Variants in VWA2 observed in about 807,000 individuals in gnomAD.
VWA2 encodes the protein von Willebrand factor A domain containing 2, also known as von Willebrand factor A domain-containing protein 2.
VWA2 carries 73 observed loss-of-function variants against 70.4 expected under a neutral mutation model. That is an observed-to-expected ratio of 1.04 (90% CI 0.86 to 1.26). The LOEUF (loss-of-function observed/expected upper bound fraction) is 1.26. Among genes scored for constraint, VWA2 ranks in the 50% most tolerant of loss-of-function variants. VWA2 has a pLI of 0.00. For synonymous variants in VWA2, 407 were observed against 423.3 expected, an observed-to-expected ratio of 0.96 and a Z score of 0.47; for missense variants, 1,011 against 998.5, an observed-to-expected ratio of 1.01 and a Z score of -0.17.
chr10:114,265,232 A>C (rs1296516952), intron 5 of VWA2, among the ~76,000 whole-genome samples: 1 of 152,070 alleles, frequency 6.6e-6, no homozygotes, highest in Admixed American at 6.6e-5. Flanking sequence ...ACACTTTAAA[A>C]GTGTGAATTT....
chr10:114,272,159 A>G (rs1012710861), intron 5 of VWA2, among the ~76,000 whole-genome samples: 7 of 152,366 alleles, frequency 4.6e-5, no homozygotes, highest in African/African-American at 2.4e-5. Context: ...GACCATTGGC[A>G]TCCCGATGAG....
chr10:114,276,464 A>G (rs902291703), intron 6 of VWA2, among the ~76,000 whole-genome samples: 2 of 152,136 alleles, frequency 1.3e-5, no homozygotes, highest in African/African-American at 4.8e-5. Context: ...GAAACTCTAC[A>G]AGCAATAAAG....
rs774199289 is a variant in VWA2 at position 114,284,914 on chromosome 10, G to C, written c.941G>C (p.Gly314Ala). The change falls in exon 10 of 14, where the codon GGA becomes GCA. Residue 314 changes from glycine to alanine, a missense_variant. Coordinates refer to ENST00000392982, the MANE Select transcript of VWA2 (RefSeq NM_001272046.2). ...AATGGAGGCACATGTGTTCCAGAAG[G>C]ACTGGACGGCTACCAGTGCCTCTGC... The part of the protein sequence containing the change: ...CQNGGTCVPE[G>A]LDGYQCLCPL... The C allele has an allele frequency of 3.1e-6, 5 of 1,605,558 alleles. No individual in the cohort carries two copies. The South Asian group carries it at 5.6e-5, about 18-fold the overall frequency.
intron 1 of VWA2, among the ~76,000 whole-genome samples, chr10:114,245,576 C>T (rs901850250): frequency 7.9e-5 from 12 of 151,958 alleles, no homozygotes; most frequent in African/African-American, 2.9e-4. Context: ...CAGGTGGGGG[C>T]TTGTTCTGCC....
rs1212169442 is a variant in VWA2, at chr10:114,281,694, G to A, written c.834-822G>A. ...TGGACCAGATAGTAGCAGCACACCT[G>A]GGGTGGAGGGGCGGGGCTGGGGCAC... On this transcript the variant is annotated intron_variant, in intron 8 of 13. Transcript: ENST00000392982. The A allele has an allele frequency of 4.1e-6, 4 of 980,596 alleles. No individual in the cohort carries two copies. The African/African-American group carries it at 7.0e-5, about 17-fold the overall frequency. The allele number at this position is 980,596 out of a possible 1,614,324, so 60.7% of individuals were successfully genotyped here. A position where few individuals can be genotyped will look rare whatever the true frequency, so the allele number is the denominator to read the frequency against.
intron 5 of VWA2, among the ~76,000 whole-genome samples, chr10:114,262,840 G>A (rs972782980): frequency 6.6e-6 from 1 of 152,226 alleles, no homozygotes; most frequent in African/African-American, 2.4e-5. Context: ...ATAAAATACA[G>A]TAGTGCACAT....
intron 1 of VWA2, among the ~76,000 whole-genome samples, chr10:114,242,441 G>A (rs575707332): frequency 3.3e-5 from 5 of 152,202 alleles, no homozygotes; most frequent in African/African-American, 7.2e-5. Flanking sequence ...TCTGCATGCC[G>A]ATGCCTCTGT....
intron 6 of VWA2, among the ~76,000 whole-genome samples, chr10:114,276,919 G>A (rs560864589): frequency 1.3e-5 from 2 of 152,084 alleles, no homozygotes; most frequent in Non-Finnish European, 2.9e-5. Context: ...GGGCTGGGGG[G>A]CTCCAGGGCT....
chr10:114,289,081 C>G lies in VWA2; in HGVS notation c.1714C>G (p.Leu572Val). The G allele has an allele frequency of 2.5e-6, 4 of 1,614,180 alleles. No individual in the cohort carries two copies. Among genetic ancestry groups the G allele is most frequent in the Non-Finnish European group, 2.5e-6 (3 of 1,180,030 alleles). Residue 572 changes from leucine (L) to valine (V), a missense_variant, in exon 12 of 14, where the codon CTG (leucine) becomes GTG (valine). Leu to Val is a conservative substitution (Grantham distance 32, BLOSUM62 1). Coordinates refer to ENST00000392982, the MANE Select transcript of VWA2 (RefSeq NM_001272046.2). ...EVNPDVTQVG[L>V]VVYGSQVQTA... The stretch of plus-strand genomic sequence containing the variant: ...GAACCCTGACGTGACACAGGTCGGC[C>G]TGGTGGTGTATGGCAGCCAGGTGCA...
At chr10:114,244,740 A>T (rs1375268553) in intron 1 of VWA2, among the ~76,000 whole-genome samples, 1 of 152,238 alleles carries the variant, frequency 6.6e-6, no homozygotes, top group Non-Finnish European at 1.5e-5. Flanking sequence ...AGATGACTGG[A>T]TGGGAATAGA....
intron 6 of VWA2, 65 bp downstream of exon 6, chr10:114,272,999 T>G: frequency 9.2e-6 from 13 of 1,410,878 alleles, no homozygotes; most frequent in Non-Finnish European, 3.9e-6. Context: ...GACATGGCCA[T>G]GGGAGGGAAG....
chr10:114,282,027 T>TTTTTTTTTTTTTTTTTGGTTGG (rs1564733492), intron 8 of VWA2, among the ~76,000 whole-genome samples: 1 of 149,984 alleles, frequency 6.7e-6, no homozygotes, highest in Non-Finnish European at 1.5e-5. Flanking sequence ...CTTTTTTTTT[T>TTTTTTTTTTTTTTTTTGGTTGG]GAGATGGAGT....
intron 12 of VWA2, 85 bp downstream of exon 12, chr10:114,289,574 CA>C: frequency 1.4e-6 from 2 of 1,460,608 alleles, no homozygotes; most frequent in Non-Finnish European, 1.9e-6. Flanking sequence ...ACGAGGATGG[CA>C]GCTCTTCCCA....
Position 114,276,923 on chromosome 10 carries a change from C to T in VWA2, c.567-991C>T, listed in dbSNP as rs916482652. Among the ~76,000 whole-genome samples the T allele has an allele frequency of 4.1e-4, 62 of 152,066 alleles. 2 individuals are homozygous for T. The highest frequency in any genetic ancestry group is 1.5e-5 in the Non-Finnish European group (1 of 68,022). On this transcript the variant is annotated intron_variant, in intron 6 of 13. Transcript: ENST00000392982. ...AGTCCATTGCAGGGCTGGGGGGCTCCAGGGCTGGCAGCACTGCCTGCAGAC... is the reference window on the plus strand; with the variant it reads ...AGTCCATTGCAGGGCTGGGGGGCTCTAGGGCTGGCAGCACTGCCTGCAGAC...
At chr10:114,278,632 C>A (rs148356854) in intron 7 of VWA2, 87 bp from the exon 8 acceptor site, 4 of 1,570,742 alleles carry the variant, frequency 2.5e-6, no homozygotes, top group Non-Finnish European at 3.5e-6. Context: ...CTCCCAGGAG[C>A]GGGAGCAGCT....
intron 1 of VWA2, among the ~76,000 whole-genome samples, chr10:114,242,623 A>C (rs1460396171): frequency 6.6e-6 from 1 of 152,038 alleles, no homozygotes; most frequent in Non-Finnish European, 1.5e-5. Flanking sequence ...TCTGTGTACC[A>C]GTGCATCTGT....
Position 114,286,210 on chromosome 10 carries a change from C to T in VWA2, c.1269C>T (p.Gly423=), listed in dbSNP as rs775974745. 8 of 1,613,914 alleles carry T rather than the reference C, an allele frequency of 5.0e-6. 1 individual carries two copies. The South Asian group carries it at 5.5e-5, about 11-fold the overall frequency. The change falls in exon 11 of 14, where the codon GGC becomes GGT. Residue 423 remains glycine (G), a synonymous_variant. Coordinates refer to ENST00000392982, the MANE Select transcript of VWA2 (RefSeq NM_001272046.2). ...IPFRGGPTLT[G]SALRQAAERG... Reference sequence around the variant, plus strand: ...TCCGTGGTGGCCCCACCCTGACGGGCAGTGCCTTGCGGCAGGCGGCAGAGC... The same window carrying T: ...TCCGTGGTGGCCCCACCCTGACGGGTAGTGCCTTGCGGCAGGCGGCAGAGC...
At position 114,272,534 on chromosome 10, in the gene VWA2, C is replaced by T. The variant is rs533060308; in HGVS notation, c.372-206C>T. On this transcript the variant is annotated intron_variant, in intron 5 of 13. Coordinates refer to ENST00000392982, the MANE Select transcript of VWA2 (RefSeq NM_001272046.2). ...TATGATAGAATACAACAGAGATGTA[C>T]GGGGTGAATCTCAAGTGCATGGAAA... Among the ~76,000 whole-genome samples, 40 of 152,214 alleles carry T rather than the reference C, an allele frequency of 2.6e-4. No individual in the cohort carries two copies. The South Asian group carries it at 4.8e-3, about 18-fold the overall frequency.
At chr10:114,268,790 G>A (rs1292417342) in intron 5 of VWA2, among the ~76,000 whole-genome samples, 54 of 151,856 alleles carry the variant, frequency 3.6e-4, no homozygotes, top group Non-Finnish European at 8.8e-5. Flanking sequence ...CGCCTCCCAG[G>A]TTCACGCCAT....
Sources: allele counts gnomAD v4.1 joint callset (sites outside exome capture counted in the v4.1 genomes callset), GRCh38; gene constraint gnomAD v4.1.1; transcripts MANE v1.5; gene names NCBI Gene and HGNC (gene_info 2026-07-23, HGNC 2026-07-21).